Variants in MDGA2 observed in about 807,000 individuals in gnomAD.
MDGA2 encodes the protein MAM domain-containing glycosylphosphatidylinositol anchor protein 2.
Under a neutral mutation model 117.8 loss-of-function variants are expected in MDGA2, and 40 were observed. The ratio of observed to expected loss-of-function variants is 0.34; its 90% CI spans 0.26 to 0.44. MDGA2 has a LOEUF of 0.44. MDGA2 is among the 20% of genes least tolerant of loss of function. The probability of loss-of-function intolerance (pLI) is 1.00; values close to 1 mark genes in which losing one functional copy is unlikely to be tolerated. For synonymous variants in MDGA2, 452 were observed against 439.0 expected (o/e 1.03, Z -0.37); for missense variants, 1,123 against 1,250.6 (o/e 0.90, Z 1.54).
chr14:47,580,246 C>T (rs374024684), intron 1 of MDGA2, among the ~76,000 whole-genome samples: 1 of 152,024 alleles, frequency 6.6e-6, no homozygotes, highest in Non-Finnish European at 1.5e-5. Flanking sequence ...AAGATCAAGA[C>T]ACAAGATTCA....
rs142015893 is a variant in MDGA2 at position 47,675,191 on chromosome 14, G to T, written c.-395C>A. Reference sequence around the variant, plus strand: ...CGGAGGGGCGTCAAGCGGCGACAGCGGCCCGCCCGCCCGCAGTCCGAAGCC... The same window carrying T: ...CGGAGGGGCGTCAAGCGGCGACAGCTGCCCGCCCGCCCGCAGTCCGAAGCC... On this transcript the variant is annotated 5_prime_UTR_variant, in exon 1 of 17. Coordinates refer to ENST00000399232, the MANE Select transcript of MDGA2 (RefSeq NM_001113498.3). 2.6e-3 allele frequency among the ~76,000 whole-genome samples: 399 copies of T among 152,196 alleles called. 4 individuals are homozygous for T. Among genetic ancestry groups the T allele is most frequent in the Middle Eastern group, 0.017 (5 of 294 alleles).
intron 1 of MDGA2, among the ~76,000 whole-genome samples, chr14:47,655,366 A>G (rs1005744913): frequency 5.3e-5 from 8 of 152,172 alleles, no homozygotes; most frequent in African/African-American, 1.9e-4. Context: ...ACCCAGGATT[A>G]TAATAACTTT....
chr14:47,462,733 A>AT (rs148725077), intron 1 of MDGA2, among the ~76,000 whole-genome samples: 169 of 150,252 alleles, frequency 1.1e-3, no homozygotes, highest in Non-Finnish European at 1.4e-3. Context: ...ACAATGAAGC[A>AT]TTTTTTTTTT....
intron 2 of MDGA2, among the ~76,000 whole-genome samples, chr14:47,269,893 C>T (rs916266355): frequency 9.9e-5 from 15 of 152,092 alleles, no homozygotes; most frequent in Non-Finnish European, 7.4e-5. Flanking sequence ...TCTGGAAAAA[C>T]ACCAATATTT....
chr14:47,521,163 C>G (rs760449442), intron 1 of MDGA2, among the ~76,000 whole-genome samples: 11 of 152,178 alleles, frequency 7.2e-5, no homozygotes, highest in Non-Finnish European at 1.3e-4. Context: ...TTGCTTCCTC[C>G]TTCCAGAGCA....
At chr14:46,848,131 C>T (rs1358860844) in intron 15 of MDGA2, among the ~76,000 whole-genome samples, 1 of 151,864 alleles carries the variant, frequency 6.6e-6, no homozygotes, top group Non-Finnish European at 1.5e-5. Context: ...GGTTAAAATG[C>T]TCTGCACCTG....
intron 8 of MDGA2, among the ~76,000 whole-genome samples, chr14:47,018,269 A>C (rs1888155025): frequency 6.6e-6 from 1 of 152,038 alleles, no homozygotes; most frequent in Non-Finnish European, 1.5e-5. Context: ...GATAAGTAGG[A>C]TGTTTATGAG....
chr14:47,597,192 G>A (rs890754740), intron 1 of MDGA2, among the ~76,000 whole-genome samples: 4 of 151,848 alleles, frequency 2.6e-5, no homozygotes, highest in African/African-American at 4.8e-5. Context: ...CTGGGTAATC[G>A]GTTTAAAAAA....
chr14:47,505,983 T>C (rs982258141), intron 1 of MDGA2, among the ~76,000 whole-genome samples: 26 of 152,340 alleles, frequency 1.7e-4, no homozygotes, highest in African/African-American at 6.0e-4. Flanking sequence ...ACACAGGTCC[T>C]ATTCTCTGTG....
chr14:46,946,873 A>C (rs1885187430), intron 9 of MDGA2, among the ~76,000 whole-genome samples: 1 of 152,118 alleles, frequency 6.6e-6, no homozygotes, highest in Non-Finnish European at 1.5e-5. Context: ...ACCATGACTG[A>C]CAGGTCGTAG....
At chr14:47,093,352 A>G (rs1879779922) in intron 6 of MDGA2, among the ~76,000 whole-genome samples, 2 of 152,140 alleles carry the variant, frequency 1.3e-5, no homozygotes, top group Admixed American at 1.3e-4. Flanking sequence ...ATTTTGAACC[A>G]TACATGTTCA....
chr14:47,075,509 T>G (rs1890459040), intron 6 of MDGA2, among the ~76,000 whole-genome samples: 1 of 152,198 alleles, frequency 6.6e-6, no homozygotes, highest in African/African-American at 2.4e-5. Context: ...ATCAGACAAC[T>G]GACAAAATTT....
intron 1 of MDGA2, among the ~76,000 whole-genome samples, chr14:47,534,191 A>T (rs1895159318): frequency 6.6e-6 from 1 of 152,142 alleles, no homozygotes; most frequent in African/African-American, 2.4e-5. Flanking sequence ...AACATCTATT[A>T]CTCGGGTTGA....
intron 3 of MDGA2, among the ~76,000 whole-genome samples, chr14:47,215,659 A>G (rs900262582): frequency 6.6e-5 from 10 of 152,158 alleles, no homozygotes; most frequent in African/African-American, 2.4e-4. Context: ...TTACATCCGC[A>G]TAGTAGAAAG....
At chr14:46,903,691 A>T (rs1050215992) in intron 10 of MDGA2, among the ~76,000 whole-genome samples, 1 of 152,102 alleles carries the variant, frequency 6.6e-6, no homozygotes, top group African/African-American at 2.4e-5. Context: ...TTAGTCTAAT[A>T]TATGTGCTGG....
intron 1 of MDGA2, among the ~76,000 whole-genome samples, chr14:47,518,494 G>C (rs1480432710): frequency 6.6e-6 from 1 of 151,956 alleles, no homozygotes; most frequent in African/African-American, 2.4e-5. Flanking sequence ...TTTTATTATT[G>C]ATCTACATAT....
chr14:46,942,410 C>G (rs1398437181), intron 9 of MDGA2, among the ~76,000 whole-genome samples: 1 of 152,054 alleles, frequency 6.6e-6, no homozygotes, highest in Non-Finnish European at 1.5e-5. Context: ...GTACCTTATT[C>G]AGATATAATT....
chr14:46,842,072 C>CA (rs746628431), intron 16 of MDGA2, 53 bp from the exon 17 acceptor site: 1 of 1,159,434 alleles, frequency 8.6e-7, no homozygotes, highest in Non-Finnish European at 1.3e-6. Flanking sequence ...ATAAGCATTC[C>CA]ACGTAGCTAC....
chr14:47,072,188 C>T (rs1245390704), intron 6 of MDGA2, among the ~76,000 whole-genome samples: 3 of 148,654 alleles, frequency 2.0e-5, no homozygotes, highest in Non-Finnish European at 3.0e-5. Context: ...ATAAGAGTCA[C>T]ACGTTCTAAG....
Sources: gnomAD v4.1 joint callset for allele counts (sites outside exome capture counted in the v4.1 genomes callset) on GRCh38, gnomAD v4.1.1 for gene constraint, MANE v1.5 for transcripts, NCBI Gene and HGNC (gene_info 2026-07-23, HGNC 2026-07-21) for gene names.